Variants in DOCK3 observed in about 807,000 individuals in gnomAD.
DOCK3 encodes the protein dedicator of cytokinesis protein 3.
Under a neutral mutation model 265.6 loss-of-function variants are expected in DOCK3, and 60 were observed. The observed-to-expected ratio is 0.23, with a 90% CI of 0.18 to 0.28. DOCK3 has a LOEUF of 0.28. Ranked by LOEUF, DOCK3 falls within the 10% of genes least tolerant of loss-of-function variation. The pLI is 1.00. For synonymous variants in DOCK3, 881 were observed against 938.0 expected (o/e 0.94, Z 1.11); for missense variants, 1,981 against 2,594.3 (o/e 0.76, Z 5.14).
rs149403883 is a variant in DOCK3, at chr3:51,256,211, G to A, written c.2185-3945G>A. Among the ~76,000 whole-genome samples the A allele has an allele frequency of 3.5e-3, 539 of 152,296 alleles. 3 individuals carry two copies. The highest frequency in any genetic ancestry group is 0.02 in the South Asian group (97 of 4,824). ...GCAGAAATCACCTGTCTTCTGCATC[G>A]CTCACGCTGGGAGCTGTAGACTGGA... is the stretch of plus-strand genomic sequence containing the variant. On this transcript the variant is annotated intron_variant, in intron 22 of 52. Coordinates refer to ENST00000266037, the MANE Select transcript of DOCK3 (RefSeq NM_004947.5).
Position 51,375,763 on chromosome 3 carries a change from C to G in DOCK3, c.5428C>G (p.Arg1810Gly). The change falls in exon 51 of 53, where the codon CGA (arginine) becomes GGA (glycine). Residue 1810 changes from arginine (R) to glycine (G), a missense_variant. By Grantham distance (125) the Arg-to-Gly change is moderately radical. Transcript: ENST00000266037. The part of the protein sequence containing the change: ...LENGQPPNFQ[R>G]ALFQQVVGAC... Reference sequence around the variant, plus strand: ...CTTCCTTCAGCCGCCGAATTTCCAGCGAGCCCTGTTCCAGCAAGTGGTCGG... The same window carrying G: ...CTTCCTTCAGCCGCCGAATTTCCAGGGAGCCCTGTTCCAGCAAGTGGTCGG... The G allele has an allele frequency of 6.2e-7, 1 of 1,613,988 alleles. No homozygotes were observed. The highest frequency in any genetic ancestry group is 8.5e-7 in the Non-Finnish European group (1 of 1,179,884).
chr3:50,764,489 G>A (rs1481818207), intron 1 of DOCK3, among the ~76,000 whole-genome samples: 1 of 152,010 alleles, frequency 6.6e-6, no homozygotes, highest in Non-Finnish European at 1.5e-5. Flanking sequence ...TTTATATCAG[G>A]GACTTGAGCA....
At chr3:51,139,255 G>C (rs1403611090) in intron 9 of DOCK3, among the ~76,000 whole-genome samples, 3 of 125,780 alleles carry the variant, frequency 2.4e-5, no homozygotes, top group Non-Finnish European at 5.3e-5. Flanking sequence ...CAACTGCAGT[G>C]GGGGGAGGGC....
At chr3:51,296,806 G>A (rs1302446539) in intron 27 of DOCK3, among the ~76,000 whole-genome samples, 1 of 151,860 alleles carries the variant, frequency 6.6e-6, no homozygotes, top group African/African-American at 2.4e-5. Flanking sequence ...TCAACAAATG[G>A]TTCTGGGACA....
chr3:51,328,620 A>G (rs567520188), intron 32 of DOCK3, among the ~76,000 whole-genome samples: 247 of 151,952 alleles, frequency 1.6e-3, no homozygotes, highest in African/African-American at 4.1e-3. Context: ...AAAAAAAAAA[A>G]AGAGAGGCTA....
chr3:50,991,948 C>T (rs574230634), intron 5 of DOCK3, among the ~76,000 whole-genome samples: 1 of 152,204 alleles, frequency 6.6e-6, no homozygotes, highest in East Asian at 1.9e-4. Context: ...TCACTCAAAA[C>T]CATGCAATTA....
At chr3:51,090,516 G>A in intron 9 of DOCK3, 132 bp downstream of exon 9, 1 of 1,005,546 alleles carries the variant, frequency 9.9e-7, no homozygotes, top group Non-Finnish European at 1.4e-6. Context: ...TCATTAGCTA[G>A]GAGTTTTGGC....
At position 51,361,948 on chromosome 3, in the gene DOCK3, G is replaced by A. The variant is rs768204481; in HGVS notation, c.5096G>A (p.Gly1699Asp). Residue 1699 changes from glycine (G) to aspartate (D), a missense_variant, in exon 48 of 53, where the codon GGT (glycine) becomes GAT (aspartate). Transcript: ENST00000266037. This position sits in a 1 kb window ranked among gnomAD's most constrained non-coding sequence, Gnocchi z 4.2. The part of the protein sequence containing the change: ...SSEAGNMVML[G>D]DGSMGDAPED... ...GAAGCAGGAAACATGGTGATGCTGG[G>A]TGACGGCTCCATGGGTGATGCTCCT... The A allele has an allele frequency of 1.2e-6, 2 of 1,612,228 alleles. No individual in the cohort carries two copies. Among genetic ancestry groups the A allele is most frequent in the Non-Finnish European group, 1.7e-6 (2 of 1,179,178 alleles).
intron 9 of DOCK3, among the ~76,000 whole-genome samples, chr3:51,102,943 C>G (rs189191370): frequency 5.9e-5 from 9 of 152,274 alleles, no homozygotes; most frequent in Admixed American, 6.5e-5. Flanking sequence ...ACATTTAGAA[C>G]AGAGACTCCC....
rs367892072 is a variant in DOCK3 at position 51,260,361 on chromosome 3, T to C, written c.2355+35T>C. 1.2e-4 allele frequency: 189 copies of C among 1,560,864 alleles called. No individual in the cohort carries two copies. The African/African-American group carries it at 2.4e-3, about 19-fold the overall frequency. On this transcript the variant is annotated intron_variant, in intron 23 of 52. Coordinates refer to ENST00000266037, the MANE Select transcript of DOCK3 (RefSeq NM_004947.5). ...CTGCAGGGAAGCTTTGATGCTGGGT[T>C]CCTCTTTCTCAGTGGGTGGTTTCTT...
At chr3:50,875,156 G>T (rs2047641591) in intron 3 of DOCK3, among the ~76,000 whole-genome samples, 1 of 152,102 alleles carries the variant, frequency 6.6e-6, no homozygotes, top group African/African-American at 2.4e-5. Context: ...CATGGCACAT[G>T]TATGCCTATG....
At chr3:50,766,625 T>C (rs977710897) in intron 1 of DOCK3, among the ~76,000 whole-genome samples, 1 of 152,180 alleles carries the variant, frequency 6.6e-6, no homozygotes, top group Non-Finnish European at 1.5e-5. Context: ...TATAATCCTT[T>C]GGGCATATAC....
chr3:51,029,690 G>A (rs981183495), intron 5 of DOCK3, among the ~76,000 whole-genome samples: 1 of 152,148 alleles, frequency 6.6e-6, no homozygotes, highest in Non-Finnish European at 1.5e-5. Flanking sequence ...ATATCTCCAG[G>A]GGACCCACAA....
chr3:50,973,804 T>C (rs1329316041), intron 5 of DOCK3, among the ~76,000 whole-genome samples: 1 of 129,642 alleles, frequency 7.7e-6, no homozygotes, highest in African/African-American at 3.0e-5. Flanking sequence ...GCACCTGTTG[T>C]TTCCTGACTT....
At chr3:51,103,733 C>G (rs1245324086) in intron 9 of DOCK3, among the ~76,000 whole-genome samples, 4 of 152,180 alleles carry the variant, frequency 2.6e-5, no homozygotes, top group African/African-American at 7.2e-5. Flanking sequence ...CTTATGTGTA[C>G]AAAGGAAGGA....
chr3:51,212,889 A>G (rs2089593299), intron 13 of DOCK3, among the ~76,000 whole-genome samples: 1 of 152,092 alleles, frequency 6.6e-6, no homozygotes, highest in Non-Finnish European at 1.5e-5. Flanking sequence ...CTTGGAAAGC[A>G]TGAGTTTAGC....
intron 5 of DOCK3, among the ~76,000 whole-genome samples, chr3:50,973,106 ATTTC>A (rs1278472923): frequency 1.2e-4 from 5 of 40,078 alleles, no homozygotes; most frequent in Non-Finnish European, 2.7e-4. Context: ...GCAGACTTAA[ATTTC>A]TTTTTTTTTT....
At chr3:50,887,290 A>G (rs2048395093) in intron 3 of DOCK3, among the ~76,000 whole-genome samples, 1 of 151,092 alleles carries the variant, frequency 6.6e-6, no homozygotes, top group Non-Finnish European at 1.5e-5. Flanking sequence ...CTGGACACAT[A>G]CACCCTCCCA....
chr3:50,876,250 T>G (rs144887302), intron 3 of DOCK3, among the ~76,000 whole-genome samples: 43 of 152,302 alleles, frequency 2.8e-4, no homozygotes, highest in African/African-American at 9.6e-4. Flanking sequence ...TAAATTAGTT[T>G]TATTTGCCTC....
Sources: allele counts gnomAD v4.1 joint callset (sites outside exome capture counted in the v4.1 genomes callset), GRCh38; gene constraint gnomAD v4.1.1; non-coding constraint Gnocchi (gnomAD v3.1); transcripts MANE v1.5; gene names NCBI Gene and HGNC (gene_info 2026-07-23, HGNC 2026-07-21).